LINGO2: variants seen among roughly 807,000 people sequenced by gnomAD.
LINGO2 encodes the protein leucine rich repeat and Ig domain containing 2.
Under a neutral mutation model 30.6 loss-of-function variants are expected in LINGO2, and 14 were observed. The observed-to-expected ratio is 0.46, with a 90% CI of 0.30 to 0.72. The LOEUF is 0.72. Among genes scored for constraint, LINGO2 ranks in the 30% least tolerant of loss-of-function variants. The probability of loss-of-function intolerance (pLI) is 0.07; values close to 1 mark genes in which losing one functional copy is unlikely to be tolerated. For missense variants in LINGO2, 729 were observed against 751.7 expected (o/e 0.97, Z 0.35); for synonymous variants, 317 against 288.5 (o/e 1.10, Z -1.00).
At chr9:28,822,453 G>A in the LINGO2 span, among the ~76,000 whole-genome samples, 1 of 152,326 alleles carries the variant, frequency 6.6e-6, no homozygotes, top group African/African-American at 2.4e-5. Flanking sequence ...AGGATGCAAA[G>A]TATTGATCCT....
intron 2 of LINGO2, among the ~76,000 whole-genome samples, chr9:28,409,445 T>C (rs750054302): frequency 1.3e-5 from 2 of 152,138 alleles, no homozygotes; most frequent in African/African-American, 4.8e-5. Context: ...GATAGTTATG[T>C]ACATGAGTCA....
At chr9:28,316,228 C>T (rs1358580218) in intron 3 of LINGO2, among the ~76,000 whole-genome samples, 2 of 151,628 alleles carry the variant, frequency 1.3e-5, no homozygotes, top group African/African-American at 4.8e-5. Context: ...ATTTTGAAAA[C>T]AGTACCAAAA....
the LINGO2 span, among the ~76,000 whole-genome samples, chr9:29,079,625 C>T: frequency 6.9e-6 from 1 of 144,088 alleles, no homozygotes; most frequent in East Asian, 2.0e-4. Flanking sequence ...CATATATAAT[C>T]TAGGTTAAAG....
the LINGO2 span, among the ~76,000 whole-genome samples, chr9:28,942,218 T>C: frequency 6.6e-6 from 1 of 152,200 alleles, no homozygotes; most frequent in South Asian, 2.1e-4. Flanking sequence ...GGAAAGACTG[T>C]ACAGGAAACC....
chr9:28,061,091 T>C (rs1021891001), intron 4 of LINGO2, among the ~76,000 whole-genome samples: 2 of 151,634 alleles, frequency 1.3e-5, no homozygotes, highest in Admixed American at 6.6e-5. Flanking sequence ...TAATTATTTG[T>C]TATGGTTATT....
intron 5 of LINGO2, among the ~76,000 whole-genome samples, chr9:28,005,894 CTTCT>C (rs1369769079): frequency 1.3e-5 from 2 of 151,890 alleles, no homozygotes; most frequent in East Asian, 1.9e-4. Flanking sequence ...CCCAGTATTC[CTTCT>C]TTGTCTGGTT....
chr9:28,386,392 T>G (rs1226187525), intron 2 of LINGO2, among the ~76,000 whole-genome samples: 1 of 152,158 alleles, frequency 6.6e-6, no homozygotes, highest in East Asian at 1.9e-4. Context: ...CTGATTCATA[T>G]TTCCCTAAAC....
the LINGO2 span, among the ~76,000 whole-genome samples, chr9:28,918,655 G>T: frequency 6.6e-6 from 1 of 152,126 alleles, no homozygotes; most frequent in African/African-American, 2.4e-5. Context: ...TATTAAAATG[G>T]AAACATCAGT....
intron 4 of LINGO2, among the ~76,000 whole-genome samples, chr9:28,014,562 G>GTTA (rs1822727678): frequency 1.3e-5 from 1 of 78,788 alleles, no homozygotes; most frequent in Admixed American, 1.0e-4. Context: ...TTTTATCCAG[G>GTTA]ATAAGACAAT....
intron 5 of LINGO2, among the ~76,000 whole-genome samples, chr9:27,994,738 C>A (rs1157478446): frequency 6.6e-6 from 1 of 152,094 alleles, no homozygotes; most frequent in Non-Finnish European, 1.5e-5. Flanking sequence ...AACTGATGGT[C>A]CTACAAAAGC....
the LINGO2 span, among the ~76,000 whole-genome samples, chr9:28,978,214 G>A: frequency 6.6e-6 from 1 of 152,108 alleles, no homozygotes; most frequent in African/African-American, 2.4e-5. Context: ...GTACTGGATT[G>A]TCAAATATTA....
chr9:28,046,004 T>A (rs1013856453), intron 4 of LINGO2, among the ~76,000 whole-genome samples: 1 of 152,192 alleles, frequency 6.6e-6, no homozygotes, highest in South Asian at 2.1e-4. Flanking sequence ...AGTTTAGACC[T>A]ATAATGAGGA....
the LINGO2 span, among the ~76,000 whole-genome samples, chr9:29,090,592 G>C: frequency 6.6e-6 from 1 of 151,800 alleles, no homozygotes; most frequent in Admixed American, 6.6e-5. Context: ...CTCATAAGAT[G>C]GGAGATCTTA....
intron 1 of LINGO2, among the ~76,000 whole-genome samples, chr9:28,513,158 G>T (rs887838613): frequency 4.2e-4 from 63 of 149,772 alleles, no homozygotes; most frequent in African/African-American, 1.5e-3. Context: ...AATGCCACAT[G>T]CAAACTTTGC....
chr9:28,165,654 C>T (rs771254275), intron 4 of LINGO2, among the ~76,000 whole-genome samples: 93 of 152,184 alleles, frequency 6.1e-4, no homozygotes, highest in Non-Finnish European at 8.1e-4. Context: ...ATTGTTTTCC[C>T]TTTTTTCCTG....
At chr9:28,105,142 C>T (rs1167802170) in intron 4 of LINGO2, among the ~76,000 whole-genome samples, 1 of 152,134 alleles carries the variant, frequency 6.6e-6, no homozygotes, top group Non-Finnish European at 1.5e-5. Flanking sequence ...TAAGAATATG[C>T]ATGAACAGCT....
rs1822771292 is a variant in LINGO2, at chr9:28,266,924, T to C, written c.-87+28284A>G. Among the ~76,000 whole-genome samples the C allele has an allele frequency of 1.3e-5, 2 of 151,998 alleles. 1 individual carries two copies. Among genetic ancestry groups the C allele is most frequent in the South Asian group, 4.1e-4 (2 of 4,834 alleles). On this transcript the variant is annotated intron_variant, in intron 4 of 5. Coordinates refer to ENST00000379992, the Ensembl canonical transcript of LINGO2. Reference sequence around the variant, plus strand: ...TCGTGGACATCTGAACATAATACACTAGCTGTGCCCCGCTGTACATCTATC... The same window carrying C: ...TCGTGGACATCTGAACATAATACACCAGCTGTGCCCCGCTGTACATCTATC...
chr9:27,968,790 T>C (rs574081191), intron 5 of LINGO2, among the ~76,000 whole-genome samples: 54 of 151,812 alleles, frequency 3.6e-4, no homozygotes, highest in Non-Finnish European at 6.6e-4. Flanking sequence ...AGGGCAAAGA[T>C]AAGGCTCCTT....
intron 1 of LINGO2, among the ~76,000 whole-genome samples, chr9:28,516,737 T>C (rs1820633669): frequency 2.0e-5 from 3 of 152,228 alleles, no homozygotes; most frequent in Non-Finnish European, 4.4e-5. Flanking sequence ...TTGTTAATGT[T>C]ACTGAAGAAC....
Sources: gnomAD v4.1 joint callset for allele counts (sites outside exome capture counted in the v4.1 genomes callset) on GRCh38, gnomAD v4.1.1 for gene constraint, MANE v1.5 for transcripts, NCBI Gene and HGNC (gene_info 2026-07-23, HGNC 2026-07-21) for gene names.